The following GRID2 variants were observed in gnomAD, a reference collection of about 807,000 sequenced individuals.
GRID2 encodes glutamate receptor ionotropic, delta-2.
In GRID2, 33 loss-of-function variants were observed where a neutral mutation model predicts 114.8. The observed-to-expected ratio is 0.29, with a 90% CI of 0.22 to 0.38. The LOEUF (loss-of-function observed/expected upper bound fraction) is 0.38. GRID2 is among the 10% of genes least tolerant of loss of function. The pLI is 1.00. For missense variants in GRID2, 1,184 were observed against 1,257.7 expected (o/e 0.94, Z 0.89); for synonymous variants, 505 against 449.9 (o/e 1.12, Z -1.55).
intron 10 of GRID2, among the ~76,000 whole-genome samples, chr4:93,440,708 C>T (rs34053072): frequency 1.2e-3 from 183 of 152,090 alleles, no homozygotes; most frequent in Non-Finnish European, 2.1e-3. Context: ...AAAAGGATAA[C>T]GAGAGATCTG....
chr4:93,624,862 C>T (rs1202265817), intron 13 of GRID2, among the ~76,000 whole-genome samples: 1 of 150,886 alleles, frequency 6.6e-6, no homozygotes, highest in Non-Finnish European at 1.5e-5. Flanking sequence ...TGAGTGATTA[C>T]TGAGGGGAAA....
intron 1 of GRID2, among the ~76,000 whole-genome samples, chr4:92,411,002 C>A (rs966297031): frequency 1.3e-5 from 2 of 151,744 alleles, no homozygotes; most frequent in Non-Finnish European, 2.9e-5. Flanking sequence ...TAAAAGCAGC[C>A]ACTGGTTTTC....
chr4:93,004,363 G>A (rs1241222749), intron 2 of GRID2, among the ~76,000 whole-genome samples: 1 of 151,800 alleles, frequency 6.6e-6, no homozygotes, highest in Non-Finnish European at 1.5e-5. Flanking sequence ...GTAGAGTCCT[G>A]CCTCCTTTTC....
At chr4:93,064,496 TTC>T (rs1214861004) in intron 2 of GRID2, among the ~76,000 whole-genome samples, 1 of 151,892 alleles carries the variant, frequency 6.6e-6, no homozygotes, top group Non-Finnish European at 1.5e-5. Context: ...TGTGGATTGT[TTC>T]TCTCTCCACA....
At chr4:93,219,698 A>G (rs535872155) in intron 6 of GRID2, among the ~76,000 whole-genome samples, 1 of 152,318 alleles carries the variant, frequency 6.6e-6, no homozygotes, top group South Asian at 2.1e-4. Context: ...AACACCTTTT[A>G]GCTAGAAAAT....
chr4:93,790,176 G>A (rs1398036895), intron 1 of GRID2, among the ~76,000 whole-genome samples: 1 of 150,306 alleles, frequency 6.7e-6, no homozygotes, highest in African/African-American at 2.5e-5. Context: ...TGTCCCTGGT[G>A]CCAAAAAGCC....
chr4:93,527,310 A>C (rs1020096306), intron 13 of GRID2, among the ~76,000 whole-genome samples: 11 of 152,106 alleles, frequency 7.2e-5, no homozygotes, highest in Non-Finnish European at 1.0e-4. Context: ...TTTTAAATCA[A>C]TATGTCTTGC....
chr4:93,070,347 G>T (rs1728704393), intron 2 of GRID2, among the ~76,000 whole-genome samples: 1 of 151,926 alleles, frequency 6.6e-6, no homozygotes, highest in Admixed American at 6.6e-5. Flanking sequence ...TTTTTCCCCA[G>T]AAATAGAAAT....
At chr4:92,868,932 G>A (rs1267993704) in intron 2 of GRID2, among the ~76,000 whole-genome samples, 5 of 151,894 alleles carry the variant, frequency 3.3e-5, no homozygotes, top group Non-Finnish European at 7.4e-5. Flanking sequence ...TGTAAATAAG[G>A]GATTTCAAAT....
intron 13 of GRID2, among the ~76,000 whole-genome samples, chr4:93,564,080 C>A (rs950158005): frequency 2.6e-5 from 4 of 151,652 alleles, no homozygotes; most frequent in Admixed American, 6.6e-5. Context: ...AGAAACTTGG[C>A]CTCCTCAGTA....
chr4:93,540,349 G>A (rs1177582600), intron 13 of GRID2, among the ~76,000 whole-genome samples: 1 of 151,908 alleles, frequency 6.6e-6, no homozygotes, highest in Non-Finnish European at 1.5e-5. Context: ...CTTTCAAGTT[G>A]CTTTTTCTTT....
At chr4:93,701,751 G>A (rs1338413100) in intron 14 of GRID2, among the ~76,000 whole-genome samples, 4 of 152,000 alleles carry the variant, frequency 2.6e-5, no homozygotes, top group Non-Finnish European at 4.4e-5. Context: ...ATACTTGGGA[G>A]GCTGAGGTGG....
At chr4:92,525,795 C>T (rs1008328473) in intron 1 of GRID2, among the ~76,000 whole-genome samples, 2 of 151,974 alleles carry the variant, frequency 1.3e-5, no homozygotes, top group Non-Finnish European at 2.9e-5. Context: ...CATAGAGGAG[C>T]ACTTAAATGG....
intron 8 of GRID2, among the ~76,000 whole-genome samples, chr4:93,356,153 AACTC>A (rs1268100782): frequency 1.3e-5 from 2 of 152,114 alleles, no homozygotes; most frequent in Non-Finnish European, 2.9e-5. Flanking sequence ...ATCTTTCACT[AACTC>A]ACCACATTTG....
chr4:93,196,998 G>A (rs1229244496), intron 4 of GRID2, among the ~76,000 whole-genome samples: 2 of 152,070 alleles, frequency 1.3e-5, no homozygotes, highest in East Asian at 1.9e-4. Flanking sequence ...AATATGAAAA[G>A]TAAGTCTTAC....
chr4:93,705,977 G>T (rs1477107994), intron 14 of GRID2, among the ~76,000 whole-genome samples: 1 of 152,034 alleles, frequency 6.6e-6, no homozygotes, highest in Non-Finnish European at 1.5e-5. Context: ...TAAGTTGGAA[G>T]TGAGCTCACT....
chr4:93,672,674 C>T (rs1156886398), intron 14 of GRID2, among the ~76,000 whole-genome samples: 1 of 152,078 alleles, frequency 6.6e-6, no homozygotes, highest in Non-Finnish European at 1.5e-5. Context: ...GGAAAATAAA[C>T]TTTTGTCTGA....
intron 14 of GRID2, among the ~76,000 whole-genome samples, chr4:93,713,228 T>A (rs1728634272): frequency 6.6e-6 from 1 of 152,260 alleles, no homozygotes; most frequent in East Asian, 1.9e-4. Flanking sequence ...GTAAATAATA[T>A]AAGTTCATTT....
At chr4:93,574,519 G>A (rs926691352) in intron 13 of GRID2, among the ~76,000 whole-genome samples, 29 of 152,284 alleles carry the variant, frequency 1.9e-4, no homozygotes, top group Non-Finnish European at 2.1e-4. Context: ...AGAAGGCAAG[G>A]AGAAGCAACT....
Sources: allele counts gnomAD v4.1 joint callset (sites outside exome capture counted in the v4.1 genomes callset), GRCh38; gene constraint gnomAD v4.1.1; transcripts MANE v1.5; gene names NCBI Gene and HGNC (gene_info 2026-07-23, HGNC 2026-07-21).